The following ZBTB2 variants were observed in gnomAD, a reference collection of about 807,000 sequenced individuals.
ZBTB2 encodes the protein zinc finger and BTB domain-containing protein 2.
A neutral mutation model predicts 39.5 loss-of-function variants in ZBTB2; 2 were observed. The observed-to-expected ratio is 0.05, with a 90% CI of 0.02 to 0.16. ZBTB2 has a LOEUF of 0.16. ZBTB2 is among the 10% of genes least tolerant of loss of function. The pLI is 1.00. For synonymous variants in ZBTB2, 251 were observed against 256.6 expected (o/e 0.98, Z 0.21); for missense variants, 391 against 653.0 (o/e 0.60, Z 4.37).
At chr6:151,385,188 T>C (rs1475789559) in intron 1 of ZBTB2, among the ~76,000 whole-genome samples, 1 of 152,234 alleles carries the variant, frequency 6.6e-6, no homozygotes, top group Admixed American at 6.5e-5. Flanking sequence ...TCTGTATATG[T>C]ATGTGTACAA....
In ZBTB2 at chr6:151,366,482, G is replaced by A. The variant is rs758021771; in HGVS notation, c.584C>T (p.Ser195Leu). 6.2e-7 allele frequency: 1 copy of A among 1,614,110 alleles called. No individual in the cohort carries two copies. Among genetic ancestry groups the A allele is most frequent in the Non-Finnish European group, 8.5e-7 (1 of 1,180,026 alleles). The change falls in exon 3 of 3, where the codon TCA becomes TTA. Residue 195 changes from serine to leucine, a missense_variant. Ser to Leu is a moderately radical substitution (Grantham distance 145). This residue lies in a region of ZBTB2 where 175 missense variants were observed against 198.6 expected (regional missense o/e 0.88). Transcript: ENST00000325144. This position sits in a 1 kb window ranked among gnomAD's most constrained non-coding sequence, Gnocchi z 7.1. ...AQVNRTNMTP[S>L]DPLQTSLSPE... is the part of the protein sequence containing the mutation. ...AGACAGCGAGGTCTGCAGGGGGTCT[G>A]AGGGAGTCATATTTGTCCGATTCAC...
In ZBTB2 at chr6:151,364,451, C is replaced by T. The variant is rs181102273; in HGVS notation, c.*1070G>A. 1.3e-5 allele frequency: 2 copies of T among 152,526 alleles called. No individual in the cohort carries two copies. The highest frequency in any genetic ancestry group is 6.5e-5 in the Admixed American group (1 of 15,284). 9.4% of individuals were successfully genotyped at this position (152,526 alleles called of 1,614,324 possible). ...CATCAAAATCAAGTTTTTTCCCAAA[C>T]AGCAATTAGATTTTTTGTCCTGATT... On this transcript the variant is annotated 3_prime_UTR_variant, in exon 3 of 3. Transcript: ENST00000325144.
chr6:151,365,739 G>T lies in ZBTB2; in HGVS notation c.1327C>A (p.Gln443Lys), dbSNP rs1778631609. 17 of 1,614,088 alleles carry T rather than the reference G, an allele frequency of 1.1e-5. No homozygotes were observed. The highest frequency in any genetic ancestry group is 1.4e-5 in the Non-Finnish European group (17 of 1,180,054). ...EGSQMDNMLV[Q>K]TNKPYKCNLC... ...TTGCATTTGTAGGGTTTGTTTGTTT[G>T]CACCAGCATGTTGTCCATCTGACTC... The change falls in exon 3 of 3, where the codon CAA (glutamine) becomes AAA (lysine). Residue 443 changes from glutamine (Q) to lysine (K), a missense_variant. Physicochemically the swap from Gln to Lys is moderately conservative, Grantham distance 53 (BLOSUM62 1). Coordinates refer to ENST00000325144, the MANE Select transcript of ZBTB2 (RefSeq NM_020861.3). This position sits in a 1 kb window ranked among gnomAD's most constrained non-coding sequence, Gnocchi z 5.6.
intron 1 of ZBTB2, 78 bp from the exon 2 acceptor site, chr6:151,373,727 G>GATCATAGCTAACATGTC (rs562075167): frequency 2.2e-6 from 3 of 1,349,436 alleles, no homozygotes; most frequent in Non-Finnish European, 2.0e-6. Flanking sequence ...CAACAGTCAT[G>GATCATAGCTAACATGTC]ATCATAGCTA....
Position 151,366,864 on chromosome 6 carries a change from T to C in ZBTB2, c.202A>G (p.Ile68Val), listed in dbSNP as rs1778663603. The C allele has an allele frequency of 1.9e-6, 3 of 1,611,174 alleles. No individual in the cohort carries two copies. Among genetic ancestry groups the C allele is most frequent in the Non-Finnish European group, 2.5e-6 (3 of 1,178,058 alleles). ...AGATAGCTGAAGATGTCGGGCTGTA[T>C]GTCAGTTGGTTTCAAGCGGACACAC... ...SECVRLKPTD[I>V]QPDIFSYLLH... Residue 68 changes from isoleucine (I) to valine (V), a missense_variant, in exon 3 of 3, where the codon ATA becomes GTA. Ile to Val is a conservative substitution (Grantham distance 29). Transcript: ENST00000325144. The surrounding 1 kb of genome is among the most constrained non-coding windows in gnomAD (Gnocchi z 7.1).
intron 1 of ZBTB2, among the ~76,000 whole-genome samples, chr6:151,373,870 A>AAAAAAAAAAAAAAAAAAAAAAAAAAC (rs1778843577): frequency 8.1e-6 from 1 of 123,568 alleles, no homozygotes; most frequent in Admixed American, 9.1e-5. Flanking sequence ...AAAAAAAAAA[A>AAAAAAAAAAAAAAAAAAAAAAAAAAC]AAAAAAACCA....
chr6:151,389,245 G>A (rs1779230473), intron 1 of ZBTB2, among the ~76,000 whole-genome samples: 1 of 152,050 alleles, frequency 6.6e-6, no homozygotes, highest in Non-Finnish European at 1.5e-5. Context: ...AACATAGCGA[G>A]ATCCCTGCCT....
At chr6:151,377,431 C>A (rs1778938320) in intron 1 of ZBTB2, among the ~76,000 whole-genome samples, 1 of 147,478 alleles carries the variant, frequency 6.8e-6, no homozygotes, top group Non-Finnish European at 1.5e-5. Flanking sequence ...TGCAATGGCA[C>A]CATCTTAACT....
chr6:151,376,269 T>A (rs1778906565), intron 1 of ZBTB2, among the ~76,000 whole-genome samples: 1 of 151,996 alleles, frequency 6.6e-6, no homozygotes, highest in Non-Finnish European at 1.5e-5. Flanking sequence ...AAATCTAAAA[T>A]CTAGGGCTAG....
Position 151,366,557 on chromosome 6 carries a change from T to C in ZBTB2, c.509A>G (p.Gln170Arg). ...RPQTSRISQEQVPEASQLSQL... is the reference protein window; with the variant it reads ...RPQTSRISQERVPEASQLSQL... Reference sequence around the variant, plus strand: ...GGAGAGCTGTGAGGCCTCAGGGACCTGCTCCTGGCTTATCCTGGAGGTCTG... The same window carrying C: ...GGAGAGCTGTGAGGCCTCAGGGACCCGCTCCTGGCTTATCCTGGAGGTCTG... The change falls in exon 3 of 3, where the codon CAG (glutamine) becomes CGG (arginine). Residue 170 changes from glutamine to arginine, a missense_variant. Gln to Arg is a conservative substitution (Grantham distance 43). Coordinates refer to ENST00000325144, the MANE Select transcript of ZBTB2 (RefSeq NM_020861.3). This position sits in a 1 kb window ranked among gnomAD's most constrained non-coding sequence, Gnocchi z 7.1. The C allele has an allele frequency of 6.2e-7, 1 of 1,614,152 alleles. No homozygotes were observed. Among genetic ancestry groups the C allele is most frequent in the Non-Finnish European group, 8.5e-7 (1 of 1,180,040 alleles).
At chr6:151,390,677 G>A (rs1019892345) in intron 1 of ZBTB2, among the ~76,000 whole-genome samples, 1 of 151,768 alleles carries the variant, frequency 6.6e-6, no homozygotes, top group Admixed American at 6.5e-5. Flanking sequence ...CGCAGCAGTA[G>A]CGGCAGCAGC....
At chr6:151,376,176 TTTA>T (rs1778904060) in intron 1 of ZBTB2, among the ~76,000 whole-genome samples, 1 of 152,184 alleles carries the variant, frequency 6.6e-6, no homozygotes, top group Admixed American at 6.5e-5. Flanking sequence ...AGTCTCATAC[TTTA>T]TATAAAAATC....
chr6:151,373,351 G>T, intron 2 of ZBTB2, 114 bp downstream of exon 2: 1 of 1,156,676 alleles, frequency 8.6e-7, no homozygotes. Context: ...CCACAAGGGA[G>T]CAGGTCACCT....
At chr6:151,390,340 G>GCCCCGCCCCCTCCCTGTCCCCGT (rs1186940267) in intron 1 of ZBTB2, among the ~76,000 whole-genome samples, 142 of 117,978 alleles carry the variant, frequency 1.2e-3, no homozygotes, top group Non-Finnish European at 1.6e-3. Context: ...GGTCTCGCCG[G>GCCCCGCCCCCTCCCTGTCCCCGT]CCCCGCCCCC....
chr6:151,384,530 G>A (rs1398194469), intron 1 of ZBTB2, among the ~76,000 whole-genome samples: 1 of 152,202 alleles, frequency 6.6e-6, no homozygotes, highest in African/African-American at 2.4e-5. Flanking sequence ...AACAGACCTG[G>A]TTGAGTCAGA....
intron 1 of ZBTB2, among the ~76,000 whole-genome samples, chr6:151,386,260 C>T (rs1779145674): frequency 6.6e-6 from 1 of 152,182 alleles, no homozygotes; most frequent in East Asian, 1.9e-4. Context: ...AAAAATTAAT[C>T]TGGGCTTGGG....
chr6:151,388,945 C>T, intron 1 of ZBTB2, among the ~76,000 whole-genome samples: 1 of 152,204 alleles, frequency 6.6e-6, no homozygotes. Context: ...CTACACTCCA[C>T]TGTAGTGTAG....
At chr6:151,390,110 C>G (rs1005669109) in intron 1 of ZBTB2, among the ~76,000 whole-genome samples, 12 of 152,026 alleles carry the variant, frequency 7.9e-5, no homozygotes, top group African/African-American at 2.9e-4. Context: ...GTATCGCAGG[C>G]GCAGATGGCG....
At chr6:151,377,653 C>T (rs901256931) in intron 1 of ZBTB2, among the ~76,000 whole-genome samples, 18 of 151,420 alleles carry the variant, frequency 1.2e-4, no homozygotes, top group Non-Finnish European at 2.2e-4. Context: ...GATTCTCCCG[C>T]CTCAGCCTCC....
Sources: gnomAD v4.1 joint callset for allele counts (sites outside exome capture counted in the v4.1 genomes callset) on GRCh38, gnomAD v4.1.1 for gene constraint, gnomAD v4.1.1 regional missense constraint, Gnocchi (gnomAD v3.1) non-coding constraint, MANE v1.5 for transcripts, NCBI Gene and HGNC (gene_info 2026-07-23, HGNC 2026-07-21) for gene names.